TLL1: variants seen among roughly 807,000 people sequenced by gnomAD.
TLL1 encodes the protein tolloid like 1.
TLL1 carries 49 observed loss-of-function variants against 128.2 expected under a neutral mutation model. The observed-to-expected ratio is 0.38, with a 90% CI of 0.30 to 0.48. The LOEUF (loss-of-function observed/expected upper bound fraction) is 0.48, where lower values mean the gene tolerates loss of function less well. Among genes scored for constraint, TLL1 ranks in the 20% least tolerant of loss-of-function variants. TLL1 has a pLI of 0.96. For synonymous variants in TLL1, 454 were observed against 418.8 expected (o/e 1.08, Z -1.03); for missense variants, 1,123 against 1,242.0 (o/e 0.90, Z 1.44).
chr4:166,078,940 A>T (rs946276680), intron 18 of TLL1, among the ~76,000 whole-genome samples: 1 of 152,146 alleles, frequency 6.6e-6, no homozygotes, highest in Non-Finnish European at 1.5e-5. Flanking sequence ...AGTGAATATT[A>T]TTGGCCAATA....
intron 1 of TLL1, among the ~76,000 whole-genome samples, chr4:165,978,757 A>G (rs1402695231): frequency 6.6e-6 from 1 of 152,104 alleles, no homozygotes; most frequent in African/African-American, 2.4e-5. Context: ...CTCTCTCCCA[A>G]TTTTAGCTGT....
At chr4:166,043,498 A>G in intron 12 of TLL1, 79 bp downstream of exon 12, 1 of 1,591,842 alleles carries the variant, frequency 6.3e-7, no homozygotes, top group Non-Finnish European at 8.6e-7. Flanking sequence ...TCATTAAATC[A>G]GCAAAGAAAC....
chr4:166,050,739 C>G (rs1302741425), intron 12 of TLL1, among the ~76,000 whole-genome samples: 1 of 152,172 alleles, frequency 6.6e-6, no homozygotes, highest in African/African-American at 2.4e-5. Flanking sequence ...GCACTGACCA[C>G]TAAACTCTGT....
At chr4:165,896,564 G>A (rs551365889) in intron 1 of TLL1, among the ~76,000 whole-genome samples, 66 of 144,904 alleles carry the variant, frequency 4.6e-4, no homozygotes, top group African/African-American at 1.7e-3. Context: ...CTCACTGCAA[G>A]CTCTGTCTCC....
chr4:165,890,014 AG>A (rs902424586), intron 1 of TLL1, among the ~76,000 whole-genome samples: 2 of 152,138 alleles, frequency 1.3e-5, no homozygotes, highest in African/African-American at 4.8e-5. Context: ...GGGAGGCCTC[AG>A]GACACTAACA....
chr4:166,021,207 C>T (rs1398571817), intron 8 of TLL1, among the ~76,000 whole-genome samples: 1 of 150,698 alleles, frequency 6.6e-6, no homozygotes, highest in East Asian at 1.9e-4. Context: ...CTTGGCTAAA[C>T]TATATTGCCA....
At chr4:165,895,902 T>C (rs1031865366) in intron 1 of TLL1, among the ~76,000 whole-genome samples, 16 of 152,204 alleles carry the variant, frequency 1.1e-4, no homozygotes, top group African/African-American at 3.9e-4. Context: ...CTGATAAAGT[T>C]GCAAAGACAA....
intron 1 of TLL1, among the ~76,000 whole-genome samples, chr4:165,965,675 G>A (rs1279903561): frequency 1.3e-5 from 2 of 152,190 alleles, no homozygotes; most frequent in Non-Finnish European, 2.9e-5. Flanking sequence ...ACGTATTCCT[G>A]CAGTTTCCAA....
At chr4:166,057,347 A>G in intron 14 of TLL1, 38 bp downstream of exon 14, 7 of 1,579,020 alleles carry the variant, frequency 4.4e-6, no homozygotes, top group Non-Finnish European at 6.1e-6. Context: ...CACCCCCCAC[A>G]ATTATTTATT....
chr4:166,022,972 CATT>C (rs1483721906), intron 8 of TLL1, among the ~76,000 whole-genome samples: 1 of 152,186 alleles, frequency 6.6e-6, no homozygotes, highest in African/African-American at 2.4e-5. Context: ...ATTGCTCACA[CATT>C]ATTACTCTCA....
intron 15 of TLL1, among the ~76,000 whole-genome samples, 173 bp from the exon 16 acceptor site, chr4:166,065,510 C>T (rs951544928): frequency 6.6e-6 from 1 of 151,932 alleles, no homozygotes; most frequent in African/African-American, 2.4e-5. Context: ...TAGTTGTGTG[C>T]TGGGATTACA....
At chr4:166,005,142 G>T (rs1737359408) in intron 6 of TLL1, among the ~76,000 whole-genome samples, 1 of 151,808 alleles carries the variant, frequency 6.6e-6, no homozygotes, top group Non-Finnish European at 1.5e-5. Context: ...GATGAATGTT[G>T]GTACCATCAC....
At chr4:165,977,842 A>G (rs1254228432) in intron 1 of TLL1, among the ~76,000 whole-genome samples, 1 of 152,190 alleles carries the variant, frequency 6.6e-6, no homozygotes, top group Non-Finnish European at 1.5e-5. Flanking sequence ...CGTAAATACA[A>G]ATGTCCTTCT....
chr4:165,910,933 TG>T (rs1732499439), intron 1 of TLL1, among the ~76,000 whole-genome samples: 1 of 152,164 alleles, frequency 6.6e-6, no homozygotes, highest in African/African-American at 2.4e-5. Flanking sequence ...TACATATTTG[TG>T]GGGTACATGT....
intron 18 of TLL1, among the ~76,000 whole-genome samples, chr4:166,080,731 G>A (rs1399681292): frequency 6.6e-6 from 1 of 152,120 alleles, no homozygotes; most frequent in African/African-American, 2.4e-5. Flanking sequence ...CAGGAATTAA[G>A]CCAAGATTGG....
At chr4:166,094,897 G>C (rs544357366) in intron 19 of TLL1, among the ~76,000 whole-genome samples, 1 of 152,130 alleles carries the variant, frequency 6.6e-6, no homozygotes, top group South Asian at 2.1e-4. Flanking sequence ...ATGTAAATGT[G>C]TGGGAATTTT....
intron 1 of TLL1, among the ~76,000 whole-genome samples, chr4:165,896,611 T>C (rs1354449661): frequency 6.6e-6 from 1 of 151,316 alleles, no homozygotes; most frequent in Non-Finnish European, 1.5e-5. Context: ...GCCTCCCAAG[T>C]AGTTGGGATT....
intron 1 of TLL1, among the ~76,000 whole-genome samples, chr4:165,937,469 C>G (rs888284322): frequency 2.0e-5 from 3 of 152,160 alleles, no homozygotes; most frequent in African/African-American, 7.2e-5. Flanking sequence ...AACAAAATGA[C>G]TTTGTATATG....
intron 1 of TLL1, among the ~76,000 whole-genome samples, chr4:165,965,153 A>G (rs1247068488): frequency 6.6e-6 from 1 of 152,172 alleles, no homozygotes; most frequent in African/African-American, 2.4e-5. Flanking sequence ...GTTAAATTAG[A>G]ATAATTAAAT....
Sources: gnomAD v4.1 joint callset for allele counts (sites outside exome capture counted in the v4.1 genomes callset) on GRCh38, gnomAD v4.1.1 for gene constraint, MANE v1.5 for transcripts, NCBI Gene and HGNC (gene_info 2026-07-23, HGNC 2026-07-21) for gene names.